KIF20A: variants seen among roughly 807,000 people sequenced by gnomAD.
KIF20A encodes kinesin family member 20A, also known as kinesin-like protein KIF20A.
A neutral mutation model predicts 113.0 loss-of-function variants in KIF20A; 66 were observed. The ratio of observed to expected loss-of-function variants is 0.58; its 90% CI spans 0.48 to 0.72. KIF20A has a LOEUF of 0.72. Among genes scored for constraint, KIF20A ranks in the 30% least tolerant of loss-of-function variants. The probability of loss-of-function intolerance (pLI) is 0.00; values close to 1 mark genes in which losing one functional copy is unlikely to be tolerated. For synonymous variants in KIF20A, 376 were observed against 402.3 expected, an observed-to-expected ratio of 0.93 and a Z score of 0.78; for missense variants, 927 against 1,077.6, an observed-to-expected ratio of 0.86 and a Z score of 1.96.
rs758979801 is a variant in KIF20A at position 138,185,740 on chromosome 5, C to G, written c.2125+30C>G. ...GGAAAGAGACAGGCAGGAAACATAA[C>G]AGTGGTTCAGGGAAGAGCTGTTACT... On this transcript the variant is annotated intron_variant, in intron 16 of 18. Transcript: ENST00000394894. The G allele has an allele frequency of 5.6e-6, 9 of 1,608,494 alleles. No homozygotes were observed. The South Asian group carries it at 9.9e-5, about 18-fold the overall frequency.
chr5:138,179,325 G>C (rs1754591243), intron 1 of KIF20A, 123 bp downstream of exon 1: 1 of 271,456 alleles, frequency 3.7e-6, no homozygotes, highest in Non-Finnish European at 7.2e-6. Context: ...TCTCACGGTG[G>C]TCCTTGGGGT....
At chr5:138,187,012 G>A in intron 18 of KIF20A, 84 bp from the exon 19 acceptor site, 5 of 984,024 alleles carry the variant, frequency 5.1e-6, no homozygotes, top group Non-Finnish European at 6.0e-6. Context: ...ACTAGTAATG[G>A]ATGGTATGTA....
At position 138,187,485 on chromosome 5, in the gene KIF20A, T is replaced by G; in HGVS notation, c.*72T>G. The G allele has an allele frequency of 1.6e-6, 2 of 1,217,746 alleles. No individual in the cohort carries two copies. The highest frequency in any genetic ancestry group is 2.3e-6 in the Non-Finnish European group (2 of 868,898). 75.4% of individuals were successfully genotyped at this position (1,217,746 alleles called of 1,614,324 possible). A position where few individuals can be genotyped will look rare whatever the true frequency, so the allele number is the denominator to read the frequency against. ...CTACTCTCCTGAAGAAATAGGTCTCTTTTATGCTTTACCATATATCAGGAA... is the reference window on the plus strand; with the variant it reads ...CTACTCTCCTGAAGAAATAGGTCTCGTTTATGCTTTACCATATATCAGGAA... On this transcript the variant is annotated 3_prime_UTR_variant, in exon 19 of 19. Transcript: ENST00000394894.
At chr5:138,181,011 A>AT (rs1754652849) in intron 2 of KIF20A, among the ~76,000 whole-genome samples, 1 of 152,246 alleles carries the variant, frequency 6.6e-6, no homozygotes, top group African/African-American at 2.4e-5. Context: ...CATAGGTGCT[A>AT]TTATTAACCC....
chr5:138,182,790 C>A lies in KIF20A; in HGVS notation c.702+17C>A. 6.2e-7 allele frequency: 1 copy of A among 1,613,538 alleles called. No homozygotes were observed. Among genetic ancestry groups the A allele is most frequent in the South Asian group, 1.1e-5 (1 of 91,062 alleles). Reference sequence around the variant, plus strand: ...CTCCAAGAGGTAAAGCATTGGTATCCATGGCAGTGGGGGTAGGGGGTACAA... The same window carrying A: ...CTCCAAGAGGTAAAGCATTGGTATCAATGGCAGTGGGGGTAGGGGGTACAA... On this transcript the variant is annotated intron_variant, in intron 6 of 18. Transcript: ENST00000394894.
At chr5:138,185,821 A>G (rs1002256390) in intron 16 of KIF20A, 111 bp downstream of exon 16, 1 of 1,345,814 alleles carries the variant, frequency 7.4e-7, no homozygotes, top group African/African-American at 1.4e-5. Context: ...TGCAAGCTAC[A>G]TCCCCCTGAC....
In KIF20A at chr5:138,186,960, G is replaced by A. The variant is rs768033247; in HGVS notation, c.2356-136G>A. ...GTCCCCTTATTCAGTTATAAGCTCCGACCTTAAAGAGTTTTAATCTTTGAA... is the reference window on the plus strand; with the variant it reads ...GTCCCCTTATTCAGTTATAAGCTCCAACCTTAAAGAGTTTTAATCTTTGAA... On this transcript the variant is annotated intron_variant, in intron 18 of 18. Transcript: ENST00000394894. The A allele has an allele frequency of 7.2e-6, 5 of 696,050 alleles. No homozygotes were observed. The South Asian group carries it at 8.2e-5, about 11-fold the overall frequency. 43.1% of individuals were successfully genotyped at this position (696,050 alleles called of 1,614,324 possible). A position where few individuals can be genotyped will look rare whatever the true frequency, so the allele number is the denominator to read the frequency against.
At position 138,182,004 on chromosome 5, in the gene KIF20A, T is replaced by C. The variant is rs566283196; in HGVS notation, c.375+276T>C. On this transcript the variant is annotated intron_variant, in intron 4 of 18. Coordinates refer to ENST00000394894, the MANE Select transcript of KIF20A (RefSeq NM_005733.3). ...TTGCTGAAGCCATGTAGCTAGTCACTAGTAGAGTTAGGACCTGAGTCTAGA... is the reference window on the plus strand; with the variant it reads ...TTGCTGAAGCCATGTAGCTAGTCACCAGTAGAGTTAGGACCTGAGTCTAGA... The C allele has an allele frequency of 2.4e-4, 139 of 570,808 alleles. 1 individual carries two copies. The highest frequency in any genetic ancestry group is 2.4e-3 in the African/African-American group (130 of 53,580). 35.4% of individuals were successfully genotyped at this position (570,808 alleles called of 1,614,324 possible).
chr5:138,187,218 C>T lies in KIF20A; in HGVS notation c.2478C>T (p.Ala826=), dbSNP rs753581481. 1.9e-6 allele frequency: 3 copies of T among 1,613,968 alleles called. No homozygotes were observed. The Admixed American group carries it at 5.0e-5, about 27-fold the overall frequency. Residue 826 remains alanine, a synonymous_variant, in exon 19 of 19, where the codon GCC becomes GCT. Transcript: ENST00000394894. ...TGAAACTCCAAGGCCAGGTTTCTGC[C>T]AAAAAGCGCCTTGGTACCAACCAGG... is the stretch of plus-strand genomic sequence containing the variant. ...TVLKLQGQVS[A]KKRLGTNQEN...
chr5:138,181,372 A>G, intron 2 of KIF20A, 50 bp from the exon 3 acceptor site: 1 of 1,488,108 alleles, frequency 6.7e-7, no homozygotes, highest in Non-Finnish European at 9.4e-7. Context: ...ATTTGCTCAG[A>G]GGTAACTGCT....
At position 138,181,629 on chromosome 5, in the gene KIF20A, T is replaced by C; in HGVS notation, c.276T>C (p.Asn92=). 6.2e-7 allele frequency: 1 copy of C among 1,614,196 alleles called. No individual in the cohort carries two copies. Among genetic ancestry groups the C allele is most frequent in the Non-Finnish European group, 8.5e-7 (1 of 1,180,036 alleles). ...CTCAGGGTTGTGTCCGTATTGAGAA[T>C]GTGGAGACCCTTGTTCTACAAGCAC... ...QEDQGCVRIE[N]VETLVLQAPK... is the part of the protein sequence containing the mutation. Residue 92 remains asparagine, a synonymous_variant, in exon 4 of 19, where the codon AAT becomes AAC. Transcript: ENST00000394894.
At position 138,182,413 on chromosome 5, in the gene KIF20A, A is replaced by G; in HGVS notation, c.466A>G (p.Ile156Val). 1 of 1,614,238 alleles carries G rather than the reference A, an allele frequency of 6.2e-7. No homozygotes were observed. Among genetic ancestry groups the G allele is most frequent in the Non-Finnish European group, 8.5e-7 (1 of 1,180,032 alleles). ...TGTACTCAAAGGGCAGAACTGGCTCATCTATACATATGGAGTCACTAACTC... is the reference window on the plus strand; with the variant it reads ...TGTACTCAAAGGGCAGAACTGGCTCGTCTATACATATGGAGTCACTAACTC... ...KDVLKGQNWL[I>V]YTYGVTNSGK... is the part of the protein sequence containing the mutation. Residue 156 changes from isoleucine to valine, a missense_variant, in exon 5 of 19, where the codon ATC (isoleucine) becomes GTC (valine). Physicochemically the swap from Ile to Val is conservative, Grantham distance 29. Transcript: ENST00000394894.
intron 13 of KIF20A, 39 bp downstream of exon 13, chr5:138,184,715 G>GTGC (rs778109785): frequency 1.4e-5 from 23 of 1,610,938 alleles, no homozygotes; most frequent in South Asian, 9.9e-5. Context: ...CAGCTTAGTA[G>GTGC]CTACACATTT....
intron 2 of KIF20A, among the ~76,000 whole-genome samples, chr5:138,181,006 G>A (rs903246957): frequency 1.3e-5 from 2 of 152,200 alleles, no homozygotes; most frequent in African/African-American, 4.8e-5. Flanking sequence ...AATGACATAG[G>A]TGCTATTATT....
Position 138,186,318 on chromosome 5 carries a change from C to T in KIF20A, c.2242C>T (p.Leu748Phe). The T allele has an allele frequency of 1.3e-6, 2 of 1,598,052 alleles. No homozygotes were observed. Among genetic ancestry groups the T allele is most frequent in the Non-Finnish European group, 1.7e-6 (2 of 1,176,532 alleles). ...GAATATAAGGCTGTTGCGGACAGAG[C>T]TTCAGAAACTTGGTGAGTCTCTCCA... ...QKNIRLLRTE[L>F]QKLGESLQSA... Residue 748 changes from leucine to phenylalanine, a missense_variant, in exon 18 of 19, where the codon CTT becomes TTT. By Grantham distance (22) the Leu-to-Phe change is conservative. Transcript: ENST00000394894.
At chr5:138,186,648 A>C (rs1415164079) in intron 18 of KIF20A, among the ~76,000 whole-genome samples, 1 of 152,198 alleles carries the variant, frequency 6.6e-6, no homozygotes, top group Non-Finnish European at 1.5e-5. Context: ...TGTCACAACC[A>C]CCTTAGGGAG....
rs769957879 is a variant in KIF20A at position 138,184,092 on chromosome 5, A to C, written c.1339A>C (p.Asn447His). 6.2e-7 allele frequency: 1 copy of C among 1,614,136 alleles called. No individual in the cohort carries two copies. Among genetic ancestry groups the C allele is most frequent in the Non-Finnish European group, 8.5e-7 (1 of 1,180,008 alleles). ...LGRCIAALRQ[N>H]QQNRSKQNLV... is the part of the protein sequence containing the mutation. ...CCGCTGTATTGCTGCCCTTCGTCAA[A>C]ACCAGCAGAACCGGTGAGCTTTTGA... The change falls in exon 11 of 19, where the codon AAC becomes CAC. Residue 447 changes from asparagine (N) to histidine (H), a missense_variant. Coordinates refer to ENST00000394894, the MANE Select transcript of KIF20A (RefSeq NM_005733.3).
At chr5:138,185,473 T>C (rs761589102) in intron 15 of KIF20A, 39 bp from the exon 16 acceptor site, 1 of 1,587,424 alleles carries the variant, frequency 6.3e-7, no homozygotes, top group Admixed American at 1.7e-5. Flanking sequence ...AATATTTTTC[T>C]GGCTCTGCAA....
intron 18 of KIF20A, 99 bp from the exon 19 acceptor site, chr5:138,186,997 T>A: frequency 1.2e-6 from 1 of 854,464 alleles, no homozygotes; most frequent in South Asian, 1.8e-5. Context: ...AAACAGTTGT[T>A]AGTAACTAGT....
Sources: gnomAD v4.1 joint callset for allele counts (sites outside exome capture counted in the v4.1 genomes callset) on GRCh38, gnomAD v4.1.1 for gene constraint, MANE v1.5 for transcripts, NCBI Gene and HGNC (gene_info 2026-07-23, HGNC 2026-07-21) for gene names.